Variants in SIM2 observed in about 807,000 individuals in gnomAD.
SIM2 encodes the protein single-minded homolog 2.
A neutral mutation model predicts 64.8 loss-of-function variants in SIM2; 28 were observed. That is an observed-to-expected ratio of 0.43 (90% confidence interval 0.32 to 0.59). The LOEUF (loss-of-function observed/expected upper bound fraction) is 0.59. Ranked by LOEUF, SIM2 falls within the 20% of genes least tolerant of loss-of-function variation. The probability of loss-of-function intolerance (pLI) is 0.07; values close to 1 mark genes in which losing one functional copy is unlikely to be tolerated. For synonymous variants in SIM2, 408 were observed against 391.1 expected (o/e 1.04, Z -0.51); for missense variants, 847 against 871.4 (o/e 0.97, Z 0.35).
chr21:36,723,157 G>T (rs781485597), intron 5 of SIM2, 27 bp downstream of exon 5: 3 of 1,592,316 alleles, frequency 1.9e-6, no homozygotes, highest in Non-Finnish European at 1.7e-6. Flanking sequence ...GTGCGGGGAG[G>T]AGCTGGCTAA....
At chr21:36,705,656 G>T (rs865855093) in intron 1 of SIM2, among the ~76,000 whole-genome samples, 21 of 152,354 alleles carry the variant, frequency 1.4e-4, no homozygotes, top group Middle Eastern at 6.8e-3. Context: ...GCGTCTTAAA[G>T]CAAGGAGGGG....
Position 36,745,903 on chromosome 21 carries a change from G to A in SIM2, c.1576+767G>A. ...CAGAAGGTGGAAGGTGGGAACAGAG[G>A]TTTAGCTGCAGGACATGTATTCCCA... On this transcript the variant is annotated intron_variant, in intron 10 of 10. Coordinates refer to ENST00000290399, the MANE Select transcript of SIM2 (RefSeq NM_005069.6). The surrounding 1 kb of genome is among the most constrained non-coding windows in gnomAD (Gnocchi z 4.8). The A allele has an allele frequency of 7.7e-7, 1 of 1,291,950 alleles. No individual in the cohort carries two copies. The highest frequency in any genetic ancestry group is 1.2e-5 in the South Asian group (1 of 80,304). 80.0% of individuals were successfully genotyped at this position (1,291,950 alleles called of 1,614,324 possible).
Position 36,743,387 on chromosome 21 carries a change from G to A in SIM2, c.999G>A (p.Thr333=), listed in dbSNP as rs767082851. The change falls in exon 9 of 11, where the codon ACG becomes ACA. Residue 333 remains threonine, a splice_region_variant and synonymous_variant. Coordinates refer to ENST00000290399, the MANE Select transcript of SIM2 (RefSeq NM_005069.6). ...HCIVSVNYVL[T]EIEYKELQLS... ...GACTCGGCCCACTCTCGCCTTCCAG[G>A]GAGATTGAATACAAGGAACTTCAGC... 3 of 1,610,926 alleles carry A rather than the reference G, an allele frequency of 1.9e-6. No individual in the cohort carries two copies. Among genetic ancestry groups the A allele is most frequent in the Admixed American group, 1.7e-5 (1 of 59,368 alleles).
At chr21:36,706,697 T>C (rs1209989701) in intron 1 of SIM2, among the ~76,000 whole-genome samples, 1 of 152,110 alleles carries the variant, frequency 6.6e-6, no homozygotes, top group Non-Finnish European at 1.5e-5. Flanking sequence ...CCCGCATTGG[T>C]TTCTGATGGA....
chr21:36,734,104 G>C (rs1412370442), intron 7 of SIM2, among the ~76,000 whole-genome samples: 2 of 152,182 alleles, frequency 1.3e-5, no homozygotes. Context: ...CAGCCCATTG[G>C]CTGTCGTGCT....
chr21:36,722,076 G>A (rs781101387), intron 4 of SIM2, among the ~76,000 whole-genome samples: 5 of 152,174 alleles, frequency 3.3e-5, no homozygotes, highest in Non-Finnish European at 7.3e-5. Flanking sequence ...GACCCCCGTT[G>A]TTTTATGATA....
Position 36,711,361 on chromosome 21 carries a change from T to C in SIM2, c.259-1172T>C, listed in dbSNP as rs147562283. 3.2e-3 allele frequency among the ~76,000 whole-genome samples: 488 copies of C among 152,348 alleles called. 2 individuals carry two copies. Among genetic ancestry groups the C allele is most frequent in the African/African-American group, 0.011 (462 of 41,580 alleles). ...AACACCACAGGTTTAGTTGGGAAAATATTTTGCAGCTGAGTTAGAAACTTG... is the reference window on the plus strand; with the variant it reads ...AACACCACAGGTTTAGTTGGGAAAACATTTTGCAGCTGAGTTAGAAACTTG... On this transcript the variant is annotated intron_variant, in intron 2 of 10. Transcript: ENST00000290399.
Position 36,747,814 on chromosome 21 carries a change from G to A in SIM2, c.1726G>A (p.Ala576Thr). ...RDGARLALARAAPECCAPPTP... is the reference protein window; with the variant it reads ...RDGARLALARTAPECCAPPTP... ...CGGGGCGCGGCTGGCGCTGGCCCGC[G>A]CGGCACCCGAGTGCTGCGCGCCCCC... Residue 576 changes from alanine (A) to threonine (T), a missense_variant, in exon 11 of 11, where the codon GCG (alanine) becomes ACG (threonine). Transcript: ENST00000290399. The surrounding 1 kb of genome is among the most constrained non-coding windows in gnomAD (Gnocchi z 4.5). 9.7e-7 allele frequency: 1 copy of A among 1,030,478 alleles called. No homozygotes were observed. The highest frequency in any genetic ancestry group is 1.7e-5 in the African/African-American group (1 of 57,614). 63.8% of individuals were successfully genotyped at this position (1,030,478 alleles called of 1,614,324 possible).
At chr21:36,700,660 T>A (rs573376969) in intron 1 of SIM2, among the ~76,000 whole-genome samples, 1 of 152,318 alleles carries the variant, frequency 6.6e-6, no homozygotes, top group Admixed American at 6.5e-5. Context: ...GCCCAAGCAC[T>A]GCAGGCTGAG....
rs139399216 is a variant in SIM2 at position 36,733,083 on chromosome 21, C to G, written c.850+1932C>G. Among the ~76,000 whole-genome samples the G allele has an allele frequency of 2.5e-3, 384 of 152,238 alleles. 1 individual carries two copies. The highest frequency in any genetic ancestry group is 8.1e-3 in the African/African-American group (338 of 41,538). ...AGCCCCAGCCCTGGGGGGTCTGGAG[C>G]CCCCTTCCATGGAGGCAGGAGAATG... On this transcript the variant is annotated intron_variant, in intron 7 of 10. Transcript: ENST00000290399.
intron 3 of SIM2, 82 bp downstream of exon 3, chr21:36,712,704 A>G: frequency 4.3e-6 from 4 of 919,782 alleles, no homozygotes; most frequent in Non-Finnish European, 7.0e-6. Context: ...CAACTTGAAA[A>G]TGAGTCTGTT....
At position 36,735,978 on chromosome 21, in the gene SIM2, G is replaced by T. The variant is rs182347758; in HGVS notation, c.850+4827G>T. 6.6e-5 allele frequency among the ~76,000 whole-genome samples: 10 copies of T among 152,186 alleles called. No individual in the cohort carries two copies. The South Asian group carries it at 2.1e-3, about 31-fold the overall frequency. The stretch of plus-strand genomic sequence containing the variant: ...CCTATTCAGCCTCCTGCCCTCCCAG[G>T]TTCCACCAGGGTCCCCACTGTGGCC... On this transcript the variant is annotated intron_variant, in intron 7 of 10. Transcript: ENST00000290399.
rs996124438 is a variant in SIM2 at position 36,699,876 on chromosome 21, C to T, written c.130C>T (p.Arg44Cys). 1 of 1,607,760 alleles carries T rather than the reference C, an allele frequency of 6.2e-7. No individual in the cohort carries two copies. Among genetic ancestry groups the T allele is most frequent in the Non-Finnish European group, 8.5e-7 (1 of 1,177,316 alleles). The change falls in exon 1 of 11, where the codon CGC becomes TGC. Residue 44 changes from arginine to cysteine, a missense_variant. By Grantham distance (180) the Arg-to-Cys change is radical. Around this residue, in one of 3 missense-constraint regions of SIM2, gnomAD observed 397 missense variants for 439.2 expected, o/e 0.90. Coordinates refer to ENST00000290399, the MANE Select transcript of SIM2 (RefSeq NM_005069.6). The surrounding 1 kb of genome is among the most constrained non-coding windows in gnomAD (Gnocchi z 5.6). ...TSQLDKASII[R>C]LTTSYLKMRA... ...GCAGCTGGACAAAGCGTCCATCATC[C>T]GCCTCACCACGAGCTACCTGAAGAT...
rs900095093 is a variant in SIM2, at chr21:36,747,200, G to A, written c.1577-465G>A. 1.3e-5 allele frequency among the ~76,000 whole-genome samples: 2 copies of A among 152,044 alleles called. No homozygotes were observed. The highest frequency in any genetic ancestry group is 2.9e-5 in the Non-Finnish European group (2 of 67,986). On this transcript the variant is annotated intron_variant, in intron 10 of 10. Coordinates refer to ENST00000290399, the MANE Select transcript of SIM2 (RefSeq NM_005069.6). This position sits in a 1 kb window ranked among gnomAD's most constrained non-coding sequence, Gnocchi z 4.5. ...ACGGGCAGAAGAAATCAGAGCAGAC[G>A]GGGGCCCTCCAACACCAGGGCCCCT...
At chr21:36,736,990 G>A (rs1442656267) in intron 7 of SIM2, among the ~76,000 whole-genome samples, 1 of 151,818 alleles carries the variant, frequency 6.6e-6, no homozygotes, top group Non-Finnish European at 1.5e-5. Context: ...ACAGTAGCGT[G>A]GTCGGAGCTC....
rs1456866174 is a variant in SIM2 at position 36,744,816 on chromosome 21, C to T, written c.1256C>T (p.Pro419Leu). ...ASPPASAAAP[P>L]ELQPHSESSD... ...CCCCCTGCAAGCGCTGCTGCTCCTC[C>T]AGAACTGCAGCCCCACTCAGAAAGC... Residue 419 changes from proline (P) to leucine (L), a missense_variant, in exon 10 of 11, where the codon CCA (proline) becomes CTA (leucine). Around this residue, in one of 3 missense-constraint regions of SIM2, gnomAD observed 447 missense variants for 414.6 expected, o/e 1.08. Transcript: ENST00000290399. 1.2e-6 allele frequency: 2 copies of T among 1,614,098 alleles called. No homozygotes were observed. The highest frequency in any genetic ancestry group is 1.3e-5 in the African/African-American group (1 of 74,956).
At chr21:36,718,140 C>A (rs959017160) in intron 3 of SIM2, among the ~76,000 whole-genome samples, 3 of 152,156 alleles carry the variant, frequency 2.0e-5, no homozygotes, top group African/African-American at 7.2e-5. Context: ...GTTTTAGGGA[C>A]AAGATGACTT....
In SIM2 at chr21:36,709,178, C is replaced by A. The variant is rs1304703841; in HGVS notation, c.186C>A (p.Asp62Glu). 4 of 1,608,916 alleles carry A rather than the reference C, an allele frequency of 2.5e-6. No homozygotes were observed. Among genetic ancestry groups the A allele is most frequent in the East Asian group, 4.5e-5 (2 of 44,650 alleles). ...TCGTCCCTCGTCCAGGTTTAGGAGA[C>A]GCGTGGGGACAGCCGAGCCGCGCCG... is the stretch of plus-strand genomic sequence containing the variant. ...MRAVFPEGLG[D>E]AWGQPSRAGP... The change falls in exon 2 of 11, where the codon GAC becomes GAA. Residue 62 changes from aspartate (D) to glutamate (E), a missense_variant. Physicochemically the swap from Asp to Glu is conservative, Grantham distance 45. Transcript: ENST00000290399.
chr21:36,714,471 A>G, intron 3 of SIM2, among the ~76,000 whole-genome samples: 1 of 152,236 alleles, frequency 6.6e-6, no homozygotes, highest in East Asian at 1.9e-4. Flanking sequence ...TGTAACTTAA[A>G]TAGTAAAATC....
Sources: gnomAD v4.1 joint callset for allele counts (sites outside exome capture counted in the v4.1 genomes callset) on GRCh38, gnomAD v4.1.1 for gene constraint, gnomAD v4.1.1 regional missense constraint, Gnocchi (gnomAD v3.1) non-coding constraint, MANE v1.5 for transcripts, NCBI Gene and HGNC (gene_info 2026-07-23, HGNC 2026-07-21) for gene names.